Variants in CYFIP1 observed in about 807,000 individuals in gnomAD.
CYFIP1 encodes cytoplasmic FMR1-interacting protein 1.
CYFIP1 carries 58 observed loss-of-function variants against 163.5 expected under a neutral mutation model. That is an observed-to-expected ratio of 0.35 (90% CI 0.29 to 0.44). CYFIP1 has a LOEUF of 0.44. Among genes scored for constraint, CYFIP1 ranks in the 20% least tolerant of loss-of-function variants. The pLI is 1.00. For missense variants in CYFIP1, 1,338 were observed against 1,653.8 expected (o/e 0.81, Z 3.31); for synonymous variants, 663 against 660.7 (o/e 1.00, Z -0.05).
At chr15:22,946,630 G>A (rs1242449813) in intron 3 of CYFIP1, 1 of 360,554 alleles carries the variant, frequency 2.8e-6, no homozygotes, top group Non-Finnish European at 5.4e-6. Flanking sequence ...GGCAGAGCAA[G>A]ACTCTGTCTC....
At chr15:22,916,387 AG>A (rs1047635547) in intron 16 of CYFIP1, 89 bp downstream of exon 16, 9 of 940,176 alleles carry the variant, frequency 9.6e-6, no homozygotes, top group African/African-American at 3.3e-5. Context: ...GGGACGGGGT[AG>A]GGGGTGGTCA....
At chr15:22,875,968 C>A (rs1818365788) in intron 26 of CYFIP1, among the ~76,000 whole-genome samples, 1 of 148,670 alleles carries the variant, frequency 6.7e-6, no homozygotes, top group African/African-American at 2.5e-5. Flanking sequence ...CAAAGATGGT[C>A]AAAAATTGAG....
chr15:22,941,459 C>T (rs1215947309), intron 6 of CYFIP1, among the ~76,000 whole-genome samples: 1 of 151,802 alleles, frequency 6.6e-6, no homozygotes, highest in Non-Finnish European at 1.5e-5. Flanking sequence ...CAAGCCTCAC[C>T]ATAACCATAT....
chr15:22,958,799 A>G (rs1235045270), intron 1 of CYFIP1, among the ~76,000 whole-genome samples: 4 of 152,204 alleles, frequency 2.6e-5, no homozygotes, highest in Admixed American at 2.6e-4. Flanking sequence ...ACCATGCGCC[A>G]TGAAACCCCA....
chr15:22,917,051 GGAGAGGCAGGA>G lies in CYFIP1; in HGVS notation c.1675-432_1675-422del. On this transcript the variant is annotated intron_variant, in intron 15 of 30. Transcript: ENST00000617928. This position sits in a 1 kb window ranked among gnomAD's most constrained non-coding sequence, Gnocchi z 4.2. ...AGAGCTAGACACGGACAGACAGGAG[GGAGAGGCAGGA>G]GAGAGACGTTAGTCACTCGACACAC... 6.6e-7 allele frequency: 1 copy of G among 1,513,062 alleles called. No individual in the cohort carries two copies. The highest frequency in any genetic ancestry group is 1.3e-5 in the South Asian group (1 of 78,076). 93.7% of individuals were successfully genotyped at this position (1,513,062 alleles called of 1,614,324 possible).
intron 20 of CYFIP1, among the ~76,000 whole-genome samples, chr15:22,909,984 T>C (rs772167965): frequency 6.6e-6 from 1 of 151,708 alleles, no homozygotes; most frequent in Non-Finnish European, 1.5e-5. Flanking sequence ...CTCCGGGCTA[T>C]GCCTGCCCCC....
At chr15:22,873,139 C>G (rs1170391445) in intron 29 of CYFIP1, among the ~76,000 whole-genome samples, 167 bp from the exon 30 acceptor site, 1 of 152,170 alleles carries the variant, frequency 6.6e-6, no homozygotes, top group Non-Finnish European at 1.5e-5. Context: ...GGTGGCTGTT[C>G]CCTGGTTTTG....
chr15:22,874,934 T>A (rs752459146), intron 27 of CYFIP1, among the ~76,000 whole-genome samples: 14 of 152,170 alleles, frequency 9.2e-5, no homozygotes, highest in Non-Finnish European at 2.1e-4. Context: ...TATCAACTCA[T>A]GGCCACTCTG....
intron 17 of CYFIP1, among the ~76,000 whole-genome samples, chr15:22,913,794 G>A (rs565229209): frequency 7.9e-5 from 12 of 152,080 alleles, no homozygotes; most frequent in African/African-American, 2.9e-4. Flanking sequence ...AGCTCCTCAC[G>A]CCACCCCAAT....
rs192046128 is a variant in CYFIP1 at position 22,962,509 on chromosome 15, G to A, written c.-6-15218C>T. Among the ~76,000 whole-genome samples the A allele has an allele frequency of 5.9e-3, 887 of 150,348 alleles. 17 individuals carry two copies. Among genetic ancestry groups the A allele is most frequent in the African/African-American group, 0.021 (849 of 40,838 alleles). ...CGCCTCCCTGGTTCAAGCTATTCTCGTGCCTAAGCCTCCCGAGTAGCTGGG... is the reference window on the plus strand; with the variant it reads ...CGCCTCCCTGGTTCAAGCTATTCTCATGCCTAAGCCTCCCGAGTAGCTGGG... On this transcript the variant is annotated intron_variant, in intron 1 of 30. Coordinates refer to ENST00000617928, the MANE Select transcript of CYFIP1 (RefSeq NM_014608.6).
intron 13 of CYFIP1, 29 bp from the exon 14 acceptor site, chr15:22,918,887 C>T: frequency 6.4e-7 from 1 of 1,550,552 alleles, no homozygotes; most frequent in East Asian, 2.3e-5. Context: ...CAGGGACGGC[C>T]CTTCTTAGGG....
At chr15:22,889,372 A>G (rs1450107929) in intron 23 of CYFIP1, among the ~76,000 whole-genome samples, 2 of 151,956 alleles carry the variant, frequency 1.3e-5, no homozygotes, top group Non-Finnish European at 2.9e-5. Flanking sequence ...CCGCACCACC[A>G]CCCTGGAACA....
chr15:22,916,891 T>C (rs1276747270), intron 15 of CYFIP1: 4 of 1,551,406 alleles, frequency 2.6e-6, no homozygotes, highest in Non-Finnish European at 2.6e-6. Context: ...CCACCAAAGG[T>C]TAAAAGGGGT....
At chr15:22,970,586 A>G (rs1429761359) in intron 1 of CYFIP1, among the ~76,000 whole-genome samples, 2 of 152,236 alleles carry the variant, frequency 1.3e-5, no homozygotes, top group Non-Finnish European at 2.9e-5. Flanking sequence ...ACTGGCATAA[A>G]GAAAGGCATA....
chr15:22,923,076 T>C (rs1271234584), intron 13 of CYFIP1, among the ~76,000 whole-genome samples: 2 of 151,662 alleles, frequency 1.3e-5, no homozygotes, highest in African/African-American at 4.8e-5. Context: ...TTCTTATATA[T>C]GACACCAAAA....
At chr15:22,964,349 TCACTCA>T (rs1263362285) in intron 1 of CYFIP1, among the ~76,000 whole-genome samples, 449 of 39,562 alleles carry the variant, frequency 0.011, 3 homozygotes, top group South Asian at 0.016. Flanking sequence ...CGCAACCTCA[TCACTCA>T]CACACACACA....
At chr15:22,885,242 A>G (rs2059898265) in intron 23 of CYFIP1, among the ~76,000 whole-genome samples, 2 of 152,114 alleles carry the variant, frequency 1.3e-5, no homozygotes, top group African/African-American at 4.8e-5. Context: ...CCTTTTAAAC[A>G]AACTCCAATT....
At chr15:22,909,697 G>T (rs1275420433) in intron 20 of CYFIP1, among the ~76,000 whole-genome samples, 2 of 152,126 alleles carry the variant, frequency 1.3e-5, no homozygotes, top group Non-Finnish European at 2.9e-5. Flanking sequence ...TTTTGTGTGT[G>T]TAATGTAACA....
intron 9 of CYFIP1, among the ~76,000 whole-genome samples, chr15:22,936,318 TA>T (rs1163735958): frequency 2.6e-5 from 4 of 152,042 alleles, no homozygotes; most frequent in African/African-American, 7.2e-5. Flanking sequence ...TAAAGAACTG[TA>T]AATCAATAGG....
Sources: gnomAD v4.1 joint callset for allele counts (sites outside exome capture counted in the v4.1 genomes callset) on GRCh38, gnomAD v4.1.1 for gene constraint, Gnocchi (gnomAD v3.1) non-coding constraint, MANE v1.5 for transcripts, NCBI Gene and HGNC (gene_info 2026-07-23, HGNC 2026-07-21) for gene names.